The following CAGE1 variants were observed in gnomAD, a reference collection of about 807,000 sequenced individuals.
CAGE1 encodes cancer-associated gene 1 protein.
Under a neutral mutation model 94.9 loss-of-function variants are expected in CAGE1, and 66 were observed. The observed-to-expected ratio is 0.70, with a 90% CI of 0.57 to 0.85. CAGE1 has a LOEUF of 0.85. Ranked by LOEUF, CAGE1 falls within the 40% of genes least tolerant of loss-of-function variation. The probability of loss-of-function intolerance (pLI) is 0.00; values close to 1 mark genes in which losing one functional copy is unlikely to be tolerated. For synonymous variants in CAGE1, 319 were observed against 321.0 expected, an observed-to-expected ratio of 0.99 and a Z score of 0.07; for missense variants, 865 against 950.4, an observed-to-expected ratio of 0.91 and a Z score of 1.18.
At position 7,341,141 on chromosome 6, in the gene CAGE1, G is replaced by A. The variant is rs947045998; in HGVS notation, c.2370-7051C>T. 3.4e-5 allele frequency: 19 copies of A among 563,814 alleles called. No individual in the cohort carries two copies. The East Asian group carries it at 4.0e-4, about 12-fold the overall frequency. The allele number at this position is 563,814 out of a possible 1,614,324, so 34.9% of individuals were successfully genotyped here. A position where few individuals can be genotyped will look rare whatever the true frequency, so the allele number is the denominator to read the frequency against. On this transcript the variant is annotated intron_variant, in intron 11 of 13. Transcript: ENST00000502583. ...ATGTACTTGTGAGCTTCCCACAGCCGGTAGTTATTGGTGGGCAGGTACACT... is the reference window on the plus strand; with the variant it reads ...ATGTACTTGTGAGCTTCCCACAGCCAGTAGTTATTGGTGGGCAGGTACACT...
At chr6:7,341,241 G>A in intron 11 of CAGE1, 1 of 678,162 alleles carries the variant, frequency 1.5e-6, no homozygotes. Context: ...TGTGGAGGTA[G>A]CCAAAGGTGC....
At chr6:7,341,892 A>G (rs577790054) in intron 11 of CAGE1, 1 of 691,350 alleles carries the variant, frequency 1.4e-6, no homozygotes, top group Non-Finnish European at 2.8e-6. Flanking sequence ...GCCCTCTCCA[A>G]TCAGGGTACT....
At chr6:7,368,622 C>T in intron 7 of CAGE1, 66 bp downstream of exon 7, 2 of 847,292 alleles carry the variant, frequency 2.4e-6, no homozygotes, top group Non-Finnish European at 3.6e-6. Context: ...GTTACTTCTT[C>T]ACTACCTTTT....
At chr6:7,387,649 T>G (rs1761163564) in intron 1 of CAGE1, among the ~76,000 whole-genome samples, 1 of 152,106 alleles carries the variant, frequency 6.6e-6, no homozygotes, top group Non-Finnish European at 1.5e-5. Context: ...GTTTGAAAAC[T>G]GGACTTGTCT....
At chr6:7,388,050 A>T (rs944383476) in intron 1 of CAGE1, among the ~76,000 whole-genome samples, 3 of 151,266 alleles carry the variant, frequency 2.0e-5, no homozygotes, top group Admixed American at 6.6e-5. Context: ...AAAAAAAAAA[A>T]AAAAAGTCTT....
intron 11 of CAGE1, among the ~76,000 whole-genome samples, chr6:7,349,649 C>T (rs1257115987): frequency 1.3e-5 from 2 of 152,180 alleles, no homozygotes; most frequent in Non-Finnish European, 2.9e-5. Context: ...TAAGAACTCA[C>T]TGGCCAGGTG....
chr6:7,377,128 A>C (rs1041131208), intron 4 of CAGE1, among the ~76,000 whole-genome samples: 4 of 152,156 alleles, frequency 2.6e-5, no homozygotes, highest in Admixed American at 2.6e-4. Flanking sequence ...CTCTAGTAGG[A>C]TGCTGTCTTC....
At chr6:7,385,524 A>G (rs183363463) in intron 3 of CAGE1, among the ~76,000 whole-genome samples, 1 of 152,314 alleles carries the variant, frequency 6.6e-6, no homozygotes, top group Non-Finnish European at 1.5e-5. Context: ...TGAGTCTGAG[A>G]CTTGATCACG....
At chr6:7,382,138 A>G (rs1760956752) in intron 3 of CAGE1, among the ~76,000 whole-genome samples, 1 of 150,426 alleles carries the variant, frequency 6.6e-6, no homozygotes, top group Non-Finnish European at 1.5e-5. Flanking sequence ...GTGCCCAGCC[A>G]TTATGTGCCT....
chr6:7,340,242 C>G (rs766488433), intron 11 of CAGE1, among the ~76,000 whole-genome samples: 1 of 152,084 alleles, frequency 6.6e-6, no homozygotes, highest in Non-Finnish European at 1.5e-5. Flanking sequence ...GTATTCATGT[C>G]CTTAGCCCAC....
Position 7,339,085 on chromosome 6 carries a change from C to G in CAGE1, c.2370-4995G>C. On this transcript the variant is annotated intron_variant, in intron 11 of 13. Coordinates refer to ENST00000502583, the MANE Select transcript of CAGE1 (RefSeq NM_001170692.2). The surrounding 1 kb of genome is among the most constrained non-coding windows in gnomAD (Gnocchi z 4.7). ...GTGTCAACGTAGTAGTTAACAGGGTCTCTGCTGTGGATCATCAGGCCGTCC... is the reference window on the plus strand; with the variant it reads ...GTGTCAACGTAGTAGTTAACAGGGTGTCTGCTGTGGATCATCAGGCCGTCC... The G allele has an allele frequency of 6.3e-7, 1 of 1,598,840 alleles. No individual in the cohort carries two copies. Among genetic ancestry groups the G allele is most frequent in the South Asian group, 1.1e-5 (1 of 90,678 alleles).
At chr6:7,333,787 G>GC (rs1554136156) in intron 12 of CAGE1, among the ~76,000 whole-genome samples, 8 of 106,582 alleles carry the variant, frequency 7.5e-5, no homozygotes, top group African/African-American at 1.5e-4. Context: ...TCCTGCCTCA[G>GC]CCCCCCAGTA....
At position 7,328,926 on chromosome 6, in the gene CAGE1, A is replaced by T. The variant is rs1230454924; in HGVS notation, c.2478+923T>A. 4.6e-3 allele frequency among the ~76,000 whole-genome samples: 389 copies of T among 85,432 alleles called. 15 individuals are homozygous for T. Among genetic ancestry groups the T allele is most frequent in the East Asian group, 0.024 (59 of 2,430 alleles). 56.0% of individuals were successfully genotyped at this position (85,432 alleles called of 152,430 possible). ...TGTGTGTGTGTGTGTGTGTATATAT[A>T]TATATATATTTTTTTTTTTTTTTGA... On this transcript the variant is annotated intron_variant, in intron 13 of 13. Coordinates refer to ENST00000502583, the MANE Select transcript of CAGE1 (RefSeq NM_001170692.2).
rs1416952100 is a variant in CAGE1, at chr6:7,385,784, C to A, written c.283+1G>T. ...CATATTGCTAACAAGTAGATACTTACCATTTAACAAATTGTCTAGTGTGCC... is the reference window on the plus strand; with the variant it reads ...CATATTGCTAACAAGTAGATACTTAACATTTAACAAATTGTCTAGTGTGCC... On this transcript the variant is annotated splice_donor_variant, in intron 3 of 13. Transcript: ENST00000502583. LOFTEE classifies it high-confidence loss of function. The A allele has an allele frequency of 1.3e-6, 2 of 1,517,630 alleles. No homozygotes were observed. The highest frequency in any genetic ancestry group is 2.5e-5 in the East Asian group (1 of 40,132). 94.0% of individuals were successfully genotyped at this position (1,517,630 alleles called of 1,614,324 possible).
chr6:7,373,097 T>G lies in CAGE1; in HGVS notation c.1722A>C (p.Glu574Asp). The G allele has an allele frequency of 6.2e-7, 1 of 1,605,726 alleles. No homozygotes were observed. The highest frequency in any genetic ancestry group is 8.5e-7 in the Non-Finnish European group (1 of 1,176,814). ...CCTTGGTAATATCTGACTTCAAGAC[T>G]TCCTCTAATTGATCCTTTAACTGAG... is the stretch of plus-strand genomic sequence containing the variant. ...ETAQLKDQLE[E>D]VLKSDITKDT... Residue 574 changes from glutamate (E) to aspartate (D), a missense_variant, in exon 5 of 14, where the codon GAA becomes GAC. Physicochemically the swap from Glu to Asp is conservative, Grantham distance 45. Coordinates refer to ENST00000502583, the MANE Select transcript of CAGE1 (RefSeq NM_001170692.2).
intron 13 of CAGE1, chr6:7,329,339 G>A (rs1353935205): frequency 2.8e-6 from 1 of 353,166 alleles, no homozygotes; most frequent in Non-Finnish European, 5.1e-6. Context: ...TATGCATGAT[G>A]AGAAGGAGAA....
chr6:7,352,920 A>G (rs1236494563), intron 11 of CAGE1, among the ~76,000 whole-genome samples: 2 of 152,216 alleles, frequency 1.3e-5, no homozygotes, highest in Non-Finnish European at 2.9e-5. Flanking sequence ...ACTTAAATCT[A>G]AGTGCTGAAA....
At position 7,373,315 on chromosome 6, in the gene CAGE1, T is replaced by G; in HGVS notation, c.1504A>C (p.Arg502=). The G allele has an allele frequency of 1.2e-6, 2 of 1,608,802 alleles. No homozygotes were observed. Among genetic ancestry groups the G allele is most frequent in the South Asian group, 2.2e-5 (2 of 90,028 alleles). ...TCAAGTCTAGATTTCAGTTTCTGTC[T>G]TTCTTCCAGGTTTTCCTTTTCAAGT... ...QKLEKENLEE[R]QKLKSRLEKL... Residue 502 remains arginine, a synonymous_variant, in exon 5 of 14, where the codon AGA becomes CGA. Transcript: ENST00000502583.
At position 7,339,046 on chromosome 6, in the gene CAGE1, C is replaced by A. The variant is rs551810733; in HGVS notation, c.2370-4956G>T. ...CCCAGCACACTCTGTCTGAGCAACA[C>A]ATGGCGCACAGCAGTGTCAACGTAG... On this transcript the variant is annotated intron_variant, in intron 11 of 13. Coordinates refer to ENST00000502583, the MANE Select transcript of CAGE1 (RefSeq NM_001170692.2). The surrounding 1 kb of genome is among the most constrained non-coding windows in gnomAD (Gnocchi z 4.7). 4 of 1,606,188 alleles carry A rather than the reference C, an allele frequency of 2.5e-6. No individual in the cohort carries two copies. In the African/African-American group the frequency reaches 5.3e-5, roughly 21 times the overall value.
Sources: gnomAD v4.1 joint callset for allele counts (sites outside exome capture counted in the v4.1 genomes callset) on GRCh38, gnomAD v4.1.1 for gene constraint, Gnocchi (gnomAD v3.1) non-coding constraint, MANE v1.5 for transcripts, NCBI Gene and HGNC (gene_info 2026-07-23, HGNC 2026-07-21) for gene names.